Variants in SLC1A2 observed in about 807,000 individuals in gnomAD.
SLC1A2 encodes excitatory amino acid transporter 2.
In SLC1A2, 15 loss-of-function variants were observed where a neutral mutation model predicts 48.8. The observed-to-expected ratio is 0.31, with a 90% CI of 0.21 to 0.47. The LOEUF is 0.47. SLC1A2 is among the 20% of genes least tolerant of loss of function. The pLI is 0.99. For synonymous variants in SLC1A2, 279 were observed against 272.6 expected (o/e 1.02, Z -0.23); for missense variants, 502 against 730.5 (o/e 0.69, Z 3.61).
chr11:35,320,873 A>G (rs1003480540), intron 1 of SLC1A2, among the ~76,000 whole-genome samples: 5 of 152,356 alleles, frequency 3.3e-5, no homozygotes, highest in Admixed American at 2.0e-4. Flanking sequence ...CTTTAGTGAG[A>G]GAACAAATGC....
At chr11:35,375,004 T>C (rs1854180198) in intron 1 of SLC1A2, among the ~76,000 whole-genome samples, 1 of 152,226 alleles carries the variant, frequency 6.6e-6, no homozygotes, top group Non-Finnish European at 1.5e-5. Context: ...GTTTAATTGA[T>C]ACAAACAAAA....
At chr11:35,315,938 G>A (rs914444837) in intron 2 of SLC1A2, 2 of 152,196 alleles carry the variant, frequency 1.3e-5, no homozygotes, top group African/African-American at 4.8e-5. Flanking sequence ...ATTGTAACTG[G>A]AGGCAAGATA....
At chr11:35,334,130 G>T (rs1170738268) in intron 1 of SLC1A2, among the ~76,000 whole-genome samples, 1 of 152,154 alleles carries the variant, frequency 6.6e-6, no homozygotes, top group Non-Finnish European at 1.5e-5. Context: ...GATAGGCATG[G>T]ATTTTCCAGT....
In SLC1A2 at chr11:35,415,452, T is replaced by C. The variant is rs190705378; in HGVS notation, c.17+3498A>G. ...CCAAGGAGGCTGATTTCTATATTAT[T>C]GAAAATGAGAAATGAAAATTCCAGC... On this transcript the variant is annotated intron_variant, in intron 1 of 10. Coordinates refer to ENST00000278379, the MANE Select transcript of SLC1A2 (RefSeq NM_004171.4). Among the ~76,000 whole-genome samples, 130 of 152,314 alleles carry C rather than the reference T, an allele frequency of 8.5e-4. 1 individual carries two copies. In the South Asian group the frequency reaches 0.022, roughly 25 times the overall value.
At chr11:35,363,408 T>G (rs1269011607) in intron 1 of SLC1A2, among the ~76,000 whole-genome samples, 1 of 152,028 alleles carries the variant, frequency 6.6e-6, no homozygotes, top group Non-Finnish European at 1.5e-5. Flanking sequence ...CAGATGCCTC[T>G]TCTCGGTTGC....
intron 1 of SLC1A2, among the ~76,000 whole-genome samples, chr11:35,395,045 C>T (rs2135252863): frequency 6.6e-6 from 1 of 152,160 alleles, no homozygotes; most frequent in Non-Finnish European, 1.5e-5. Flanking sequence ...GCCATGCTAT[C>T]CATAGTGATT....
intron 6 of SLC1A2, among the ~76,000 whole-genome samples, chr11:35,295,917 G>A (rs1851158006): frequency 1.3e-5 from 2 of 152,122 alleles, no homozygotes; most frequent in Admixed American, 6.5e-5. Flanking sequence ...GGCTTACCCT[G>A]GGCTTACCTG....
At chr11:35,364,043 T>A (rs988935440) in intron 1 of SLC1A2, among the ~76,000 whole-genome samples, 2 of 152,148 alleles carry the variant, frequency 1.3e-5, no homozygotes, top group African/African-American at 4.8e-5. Context: ...TGCCATCCCA[T>A]GCACAGAGGC....
chr11:35,410,214 T>G (rs573748321), intron 1 of SLC1A2, among the ~76,000 whole-genome samples: 8 of 152,342 alleles, frequency 5.3e-5, no homozygotes, highest in African/African-American at 1.9e-4. Context: ...ACACATACAC[T>G]GTGGAATAAA....
rs112271645 is a variant in SLC1A2, at chr11:35,265,894, T to C, written c.1422-136A>G. 7.8e-3 allele frequency: 4,742 copies of C among 611,142 alleles called. 165 individuals are homozygous for C. Among genetic ancestry groups the C allele is most frequent in the African/African-American group, 0.077 (4,167 of 54,210 alleles). The allele number at this position is 611,142 out of a possible 1,614,324, so 37.9% of individuals were successfully genotyped here. On this transcript the variant is annotated intron_variant, in intron 9 of 10. Transcript: ENST00000278379. ...TCCCTCTGCCTGATTTGGGGCAAGT[T>C]ACTTAACTTTCATGAGCCTTGACTT...
intron 7 of SLC1A2, among the ~76,000 whole-genome samples, chr11:35,287,202 G>A (rs1186929906): frequency 1.3e-5 from 2 of 151,902 alleles, no homozygotes; most frequent in African/African-American, 4.8e-5. Flanking sequence ...TATACTCAGA[G>A]CTTGAAGATT....
chr11:35,317,268 C>G, intron 2 of SLC1A2, 109 bp downstream of exon 2: 1 of 1,244,812 alleles, frequency 8.0e-7, no homozygotes, highest in East Asian at 2.4e-5. Context: ...AGGCAAACCA[C>G]GTGGCTTCCT....
chr11:35,399,719 G>T, intron 1 of SLC1A2: 1 of 419,332 alleles, frequency 2.4e-6, no homozygotes, highest in Non-Finnish European at 3.2e-6. Flanking sequence ...CCTGAATAAA[G>T]TCGGGAGCCA....
intron 1 of SLC1A2, among the ~76,000 whole-genome samples, chr11:35,415,461 G>A (rs1437177614): frequency 6.6e-6 from 1 of 152,136 alleles, no homozygotes; most frequent in African/African-American, 2.4e-5. Flanking sequence ...TTGAAAATGA[G>A]AAATGAAAAT....
In SLC1A2 at chr11:35,260,166, A is replaced by C. The variant is rs980550292; in HGVS notation, c.*728T>G. On this transcript the variant is annotated 3_prime_UTR_variant, in exon 11 of 11. Coordinates refer to ENST00000278379, the MANE Select transcript of SLC1A2 (RefSeq NM_004171.4). ...AGTGGTTATATATAAAATACTTCCTAATCAATTATCAAATTTAGAAAGAAT... is the reference window on the plus strand; with the variant it reads ...AGTGGTTATATATAAAATACTTCCTCATCAATTATCAAATTTAGAAAGAAT... The C allele has an allele frequency of 3.4e-4, 51 of 152,208 alleles. No homozygotes were observed. Among genetic ancestry groups the C allele is most frequent in the African/African-American group, 1.2e-3 (49 of 41,446 alleles). The allele number at this position is 152,208 out of a possible 1,614,324, so 9.4% of individuals were successfully genotyped here. A position where few individuals can be genotyped will look rare whatever the true frequency, so the allele number is the denominator to read the frequency against.
intron 6 of SLC1A2, among the ~76,000 whole-genome samples, chr11:35,300,306 T>C (rs148948427): frequency 6.6e-6 from 1 of 152,374 alleles, no homozygotes; most frequent in East Asian, 1.9e-4. Flanking sequence ...ACTGTGGTTT[T>C]TCCCATTGAA....
intron 1 of SLC1A2, among the ~76,000 whole-genome samples, chr11:35,328,256 A>G (rs1852310563): frequency 6.6e-6 from 1 of 152,178 alleles, no homozygotes; most frequent in South Asian, 2.1e-4. Context: ...AATAACCTCA[A>G]GGGTTCACTC....
At chr11:35,390,847 GT>G (rs1436265213) in intron 1 of SLC1A2, 3 of 152,042 alleles carry the variant, frequency 2.0e-5, no homozygotes, top group Non-Finnish European at 2.9e-5. Flanking sequence ...TGTATTTTTA[GT>G]AGAGAAAGGG....
intron 1 of SLC1A2, among the ~76,000 whole-genome samples, chr11:35,388,140 G>T (rs1854643432): frequency 6.6e-6 from 1 of 152,184 alleles, no homozygotes; most frequent in Non-Finnish European, 1.5e-5. Context: ...GGGAAAGGAA[G>T]AAATGGGATC....
Sources: gnomAD v4.1 joint callset for allele counts (sites outside exome capture counted in the v4.1 genomes callset) on GRCh38, gnomAD v4.1.1 for gene constraint, MANE v1.5 for transcripts, NCBI Gene and HGNC (gene_info 2026-07-23, HGNC 2026-07-21) for gene names.